Variants in LRRC4C observed in about 807,000 individuals in gnomAD.
LRRC4C encodes leucine-rich repeat-containing protein 4C.
A neutral mutation model predicts 33.6 loss-of-function variants in LRRC4C; 5 were observed. The ratio of observed to expected loss-of-function variants is 0.15; its 90% CI spans 0.08 to 0.31. The LOEUF (loss-of-function observed/expected upper bound fraction) is 0.31. Ranked by LOEUF, LRRC4C falls within the 10% of genes least tolerant of loss-of-function variation. LRRC4C has a pLI of 1.00. For synonymous variants in LRRC4C, 329 were observed against 302.0 expected (o/e 1.09, Z -0.93); for missense variants, 560 against 796.7 (o/e 0.70, Z 3.58).
At chr11:41,035,379 A>AT (rs1359659424) in intron 1 of LRRC4C, among the ~76,000 whole-genome samples, 1 of 151,990 alleles carries the variant, frequency 6.6e-6, no homozygotes, top group Non-Finnish European at 1.5e-5. Context: ...CTCCCCCTGC[A>AT]TCCCCTCTCC....
At chr11:41,004,687 G>A (rs1854612014) in intron 1 of LRRC4C, among the ~76,000 whole-genome samples, 1 of 152,086 alleles carries the variant, frequency 6.6e-6, no homozygotes, top group African/African-American at 2.4e-5. Flanking sequence ...ATGGATGAAT[G>A]CATCAGTGTT....
At chr11:40,922,407 T>C (rs1957220027) in intron 2 of LRRC4C, among the ~76,000 whole-genome samples, 1 of 152,220 alleles carries the variant, frequency 6.6e-6, no homozygotes, top group Non-Finnish European at 1.5e-5. Flanking sequence ...ATCTTTATAA[T>C]TCATTTGAAG....
chr11:41,250,998 T>C (rs888530313), intron 1 of LRRC4C, among the ~76,000 whole-genome samples: 2 of 152,186 alleles, frequency 1.3e-5, no homozygotes, highest in Non-Finnish European at 2.9e-5. Context: ...TTTTACATGA[T>C]ATAGCTGAAA....
intron 3 of LRRC4C, among the ~76,000 whole-genome samples, chr11:40,528,467 G>A (rs576446161): frequency 2.0e-5 from 3 of 151,154 alleles, no homozygotes; most frequent in Admixed American, 6.6e-5. Flanking sequence ...CAGCTATTAC[G>A]ATGTCTTTTA....
chr11:40,992,577 G>T (rs1459952810), intron 1 of LRRC4C, among the ~76,000 whole-genome samples: 1 of 151,920 alleles, frequency 6.6e-6, no homozygotes, highest in African/African-American at 2.4e-5. Context: ...CAGTGATGAA[G>T]AATTCACTAC....
At chr11:41,272,648 C>T (rs1437207855) in intron 1 of LRRC4C, among the ~76,000 whole-genome samples, 7 of 152,014 alleles carry the variant, frequency 4.6e-5, no homozygotes, top group East Asian at 3.9e-4. Flanking sequence ...TGCTTAATAC[C>T]GAAGCGATGT....
At chr11:40,494,042 C>T (rs980695729) in intron 3 of LRRC4C, among the ~76,000 whole-genome samples, 8 of 152,052 alleles carry the variant, frequency 5.3e-5, no homozygotes, top group African/African-American at 1.7e-4. Flanking sequence ...CGCTAAGCCA[C>T]GGTGGCTTAG....
chr11:41,350,509 CAA>C (rs71063914), intron 1 of LRRC4C, among the ~76,000 whole-genome samples: 2,471 of 106,402 alleles, frequency 0.023, 49 homozygotes, highest in African/African-American at 0.08. Context: ...GACTCCATCT[CAA>C]AAAAAAAAAA....
chr11:41,139,032 T>A (rs1943389284), intron 1 of LRRC4C, among the ~76,000 whole-genome samples: 1 of 152,178 alleles, frequency 6.6e-6, no homozygotes, highest in Non-Finnish European at 1.5e-5. Context: ...TTGTTAGGTT[T>A]TGTTTTGTTT....
chr11:40,518,524 G>C (rs573794621), intron 3 of LRRC4C, among the ~76,000 whole-genome samples: 2 of 152,278 alleles, frequency 1.3e-5, no homozygotes, highest in South Asian at 2.1e-4. Context: ...GTAGTCATTA[G>C]AGAAATGCAA....
intron 1 of LRRC4C, among the ~76,000 whole-genome samples, chr11:41,373,950 G>A (rs564790708): frequency 6.6e-6 from 1 of 152,242 alleles, no homozygotes; most frequent in African/African-American, 2.4e-5. Context: ...AAGTTGGCAT[G>A]TAGCTATATT....
chr11:40,186,303 T>A (rs191610838), intron 5 of LRRC4C, among the ~76,000 whole-genome samples: 203 of 152,312 alleles, frequency 1.3e-3, no homozygotes, highest in Non-Finnish European at 5.0e-4. Flanking sequence ...GTCTGGGAAT[T>A]TCTCCTGACT....
chr11:40,307,591 G>A (rs1352355313), intron 4 of LRRC4C, among the ~76,000 whole-genome samples: 1 of 152,108 alleles, frequency 6.6e-6, no homozygotes, highest in Non-Finnish European at 1.5e-5. Context: ...CTGCCATGTT[G>A]TATAGTTATG....
chr11:40,940,331 AT>A (rs1463043536), intron 1 of LRRC4C, among the ~76,000 whole-genome samples: 2 of 152,152 alleles, frequency 1.3e-5, no homozygotes, highest in African/African-American at 4.8e-5. Flanking sequence ...TCATGGTAAC[AT>A]TTTGAAGAAT....
Position 41,287,274 on chromosome 11 carries a change from G to C in LRRC4C, c.-496+172157C>G, listed in dbSNP as rs545093551. ...GAACTATAACAGGGAAAATCAAATT[G>C]GCATTTAGTGTATCATTTTTTATGT... On this transcript the variant is annotated intron_variant, in intron 1 of 6. Transcript: ENST00000528697. Among the ~76,000 whole-genome samples, 10 of 152,178 alleles carry C rather than the reference G, an allele frequency of 6.6e-5. No homozygotes were observed. In the East Asian group the frequency reaches 1.7e-3, roughly 27 times the overall value.
chr11:40,298,486 T>C (rs1404750911), intron 4 of LRRC4C, among the ~76,000 whole-genome samples: 3 of 150,744 alleles, frequency 2.0e-5, no homozygotes, highest in African/African-American at 4.9e-5. Flanking sequence ...AGCATATTTC[T>C]TGGCAATGGC....
chr11:40,922,198 C>T (rs573414690), intron 2 of LRRC4C, among the ~76,000 whole-genome samples: 1 of 152,230 alleles, frequency 6.6e-6, no homozygotes, highest in South Asian at 2.1e-4. Context: ...CCTTCCCTCC[C>T]CATACCTTAC....
Position 40,766,878 on chromosome 11 carries a change from GA to G in LRRC4C, c.-406-118601del, listed in dbSNP as rs1176641239. ...GAAGGGAGGGAAGGGGAGGGAAGGA[GA>G]AGGGGGGAGGAAAAGAGGAAAGGAG... On this transcript the variant is annotated intron_variant, in intron 2 of 6. Coordinates refer to ENST00000528697, the MANE Select transcript of LRRC4C (RefSeq NM_001258419.2). Among the ~76,000 whole-genome samples, 15 of 150,916 alleles carry G rather than the reference GA, an allele frequency of 9.9e-5. 1 individual carries two copies. Among genetic ancestry groups the G allele is most frequent in the Admixed American group, 9.3e-4 (14 of 15,076 alleles).
chr11:40,224,398 CCTGA>C (rs1338407260), intron 5 of LRRC4C, among the ~76,000 whole-genome samples: 2 of 152,298 alleles, frequency 1.3e-5, no homozygotes, highest in African/African-American at 2.4e-5. Context: ...TCATTATTTG[CCTGA>C]CTTTTTCAGT....
Sources: allele counts gnomAD v4.1 joint callset (sites outside exome capture counted in the v4.1 genomes callset), GRCh38; gene constraint gnomAD v4.1.1; transcripts MANE v1.5; gene names NCBI Gene and HGNC (gene_info 2026-07-23, HGNC 2026-07-21).